The following FHIT variants were observed in gnomAD, a reference collection of about 807,000 sequenced individuals.
FHIT encodes the protein bis(5'-adenosyl)-triphosphatase.
In FHIT, 19 loss-of-function variants were observed where a neutral mutation model predicts 17.9. That is an observed-to-expected ratio of 1.06 (90% confidence interval 0.74 to 1.56). The LOEUF is 1.56. Ranked by LOEUF, FHIT falls within the 40% of genes most tolerant of loss-of-function variation. The probability of loss-of-function intolerance (pLI) is 0.00; values close to 1 mark genes in which losing one functional copy is unlikely to be tolerated. For missense variants in FHIT, 248 were observed against 189.2 expected, an observed-to-expected ratio of 1.31 and a Z score of -1.82; for synonymous variants, 81 against 69.7, an observed-to-expected ratio of 1.16 and a Z score of -0.81.
At chr3:60,267,161 G>A (rs1038312890) in intron 5 of FHIT, among the ~76,000 whole-genome samples, 2 of 151,884 alleles carry the variant, frequency 1.3e-5, no homozygotes, top group Non-Finnish European at 2.9e-5. Flanking sequence ...AGCTTGAAAT[G>A]TAAAAAATAA....
chr3:59,882,217 C>A (rs553025194), intron 8 of FHIT, among the ~76,000 whole-genome samples: 4 of 152,142 alleles, frequency 2.6e-5, no homozygotes, highest in African/African-American at 9.6e-5. Flanking sequence ...TCTTAAAATA[C>A]ATTTAGATAT....
chr3:60,879,344 CACTGAACCT>C (rs1575635296), intron 3 of FHIT, among the ~76,000 whole-genome samples: 1 of 152,256 alleles, frequency 6.6e-6, no homozygotes, highest in East Asian at 1.9e-4. Context: ...GATACTATAC[CACTGAACCT>C]ACCTGGAAAC....
chr3:59,910,558 T>C (rs911413809), intron 8 of FHIT, among the ~76,000 whole-genome samples: 5 of 152,292 alleles, frequency 3.3e-5, no homozygotes, highest in African/African-American at 9.6e-5. Context: ...TCATCTCTCA[T>C]GGCTAGGATG....
chr3:60,323,534 A>T (rs1230322860), intron 5 of FHIT, among the ~76,000 whole-genome samples: 3 of 152,068 alleles, frequency 2.0e-5, no homozygotes, highest in Non-Finnish European at 2.9e-5. Context: ...GGCTGGAAAC[A>T]AGGCCAGGTC....
chr3:60,561,955 A>AGAGAGG (rs2036968634), intron 4 of FHIT, among the ~76,000 whole-genome samples: 2 of 152,010 alleles, frequency 1.3e-5, no homozygotes, highest in South Asian at 4.2e-4. Context: ...AAACAGAGAG[A>AGAGAGG]GAGAGAGAGA....
intron 5 of FHIT, among the ~76,000 whole-genome samples, chr3:60,385,959 A>C (rs1201494753): frequency 6.6e-6 from 1 of 152,186 alleles, no homozygotes; most frequent in Non-Finnish European, 1.5e-5. Context: ...TATCTTTCCT[A>C]GGTGAAATAA....
chr3:59,970,076 C>A (rs1465673420), intron 7 of FHIT, among the ~76,000 whole-genome samples: 2 of 151,988 alleles, frequency 1.3e-5, no homozygotes, highest in African/African-American at 4.8e-5. Flanking sequence ...CATCTATTTC[C>A]ATTTAACCAT....
intron 4 of FHIT, among the ~76,000 whole-genome samples, chr3:60,552,266 G>A (rs6762597): frequency 0.37 from 56,051 of 152,012 alleles, 10,553 homozygotes; most frequent in Admixed American, 0.42. Flanking sequence ...ATTTTTGGAC[G>A]TTTGTGAATA....
chr3:60,922,602 T>C (rs531052997), intron 3 of FHIT, among the ~76,000 whole-genome samples: 42 of 152,244 alleles, frequency 2.8e-4, no homozygotes, highest in Non-Finnish European at 4.8e-4. Context: ...TTTTTGTCTA[T>C]CTGCTCAAAT....
At chr3:60,384,112 C>G (rs1559871520) in intron 5 of FHIT, among the ~76,000 whole-genome samples, 1 of 151,792 alleles carries the variant, frequency 6.6e-6, no homozygotes, top group African/African-American at 2.4e-5. Flanking sequence ...TACTAAAATA[C>G]AAAAAATTAG....
At chr3:59,862,291 A>T (rs1440606503) in intron 8 of FHIT, among the ~76,000 whole-genome samples, 1 of 152,196 alleles carries the variant, frequency 6.6e-6, no homozygotes, top group Non-Finnish European at 1.5e-5. Context: ...AGATCTTGTG[A>T]GACTTACTCA....
chr3:60,656,262 GA>G (rs1181122446), intron 4 of FHIT, among the ~76,000 whole-genome samples: 1 of 152,058 alleles, frequency 6.6e-6, no homozygotes, highest in African/African-American at 2.4e-5. Flanking sequence ...TCCTATCCCA[GA>G]ACTAGATTTA....
At chr3:61,085,710 T>C (rs1347838720) in intron 2 of FHIT, among the ~76,000 whole-genome samples, 1 of 152,136 alleles carries the variant, frequency 6.6e-6, no homozygotes, top group Admixed American at 6.5e-5. Flanking sequence ...TATAAAGTCA[T>C]AAAACCTTTC....
chr3:61,028,054 C>T (rs1253442051), intron 3 of FHIT, among the ~76,000 whole-genome samples: 1 of 152,166 alleles, frequency 6.6e-6, no homozygotes, highest in Non-Finnish European at 1.5e-5. Context: ...GCCCTAGGCT[C>T]ATCTTCAAAT....
In FHIT at chr3:60,815,428, G is replaced by A. The variant is rs375232012; in HGVS notation, c.-18+6491C>T. Among the ~76,000 whole-genome samples the A allele has an allele frequency of 1.6e-4, 24 of 152,210 alleles. 2 individuals carry two copies. The highest frequency in any genetic ancestry group is 1.2e-3 in the Admixed American group (18 of 15,286). ...TTAGCTTTGTATATGGTGAAATGTA[G>A]GGGTCCAGTTTCATTCTTCTGTATA... On this transcript the variant is annotated intron_variant, in intron 4 of 9. Transcript: ENST00000492590.
chr3:61,167,628 C>CA (rs34229498), intron 2 of FHIT, among the ~76,000 whole-genome samples: 6,917 of 98,660 alleles, frequency 0.07, 326 homozygotes, highest in Non-Finnish European at 0.11. Flanking sequence ...AACTGTGTCT[C>CA]AAAAAAAAAA....
At chr3:60,499,301 T>C (rs912567184) in intron 5 of FHIT, among the ~76,000 whole-genome samples, 1 of 152,210 alleles carries the variant, frequency 6.6e-6, no homozygotes, top group East Asian at 1.9e-4. Flanking sequence ...CAAAGCTTTA[T>C]TGCTGCACAA....
chr3:60,708,559 C>T (rs116703255), intron 4 of FHIT, among the ~76,000 whole-genome samples: 345 of 152,282 alleles, frequency 2.3e-3, no homozygotes, highest in Non-Finnish European at 4.1e-3. Flanking sequence ...GAAACCCTAT[C>T]CTGTAATTGG....
intron 5 of FHIT, among the ~76,000 whole-genome samples, chr3:60,250,999 G>A (rs909167186): frequency 1.3e-5 from 2 of 152,168 alleles, no homozygotes; most frequent in South Asian, 2.1e-4. Context: ...CTTTACCCAC[G>A]TGGTTTGTAA....
Sources: allele counts gnomAD v4.1 joint callset (sites outside exome capture counted in the v4.1 genomes callset), GRCh38; gene constraint gnomAD v4.1.1; transcripts MANE v1.5; gene names NCBI Gene and HGNC (gene_info 2026-07-23, HGNC 2026-07-21).